Variants in MAN1C1 observed in about 807,000 individuals in gnomAD.
The protein encoded by MAN1C1 is mannosidase alpha class 1C member 1.
A neutral mutation model predicts 71.5 loss-of-function variants in MAN1C1; 49 were observed. The observed-to-expected ratio is 0.69, with a 90% CI of 0.54 to 0.87. The LOEUF (loss-of-function observed/expected upper bound fraction) is 0.87, where lower values mean the gene tolerates loss of function less well. Among genes scored for constraint, MAN1C1 ranks in the 40% least tolerant of loss-of-function variants. The pLI is 0.00. For synonymous variants in MAN1C1, 352 were observed against 343.7 expected, an observed-to-expected ratio of 1.02 and a Z score of -0.27; for missense variants, 743 against 835.0, an observed-to-expected ratio of 0.89 and a Z score of 1.36.
chr1:25,745,882 T>C (rs1250289112), intron 2 of MAN1C1, among the ~76,000 whole-genome samples: 1 of 151,916 alleles, frequency 6.6e-6, no homozygotes, highest in African/African-American at 2.4e-5. Flanking sequence ...TCCCAGCTAC[T>C]TGGGAGGCTG....
intron 6 of MAN1C1, among the ~76,000 whole-genome samples, chr1:25,762,286 C>T (rs1051001557): frequency 2.2e-4 from 33 of 151,864 alleles, no homozygotes; most frequent in Admixed American, 1.8e-3. Context: ...GCCATCACAC[C>T]CAGCTAATTT....
chr1:25,755,232 G>C (rs904596163), intron 5 of MAN1C1, among the ~76,000 whole-genome samples: 1 of 152,228 alleles, frequency 6.6e-6, no homozygotes. Context: ...AGACCGGCCT[G>C]GGAGACTGAG....
At chr1:25,647,576 TG>T (rs2045633208) in intron 1 of MAN1C1, among the ~76,000 whole-genome samples, 1 of 152,074 alleles carries the variant, frequency 6.6e-6, no homozygotes, top group African/African-American at 2.4e-5. Flanking sequence ...GATTCTTACC[TG>T]GGGGTTAGGT....
intron 1 of MAN1C1, among the ~76,000 whole-genome samples, chr1:25,623,084 C>T (rs1210373715): frequency 1.3e-5 from 2 of 152,152 alleles, no homozygotes; most frequent in South Asian, 2.1e-4. Flanking sequence ...CAGTCTCTTC[C>T]GTTTCCCTCT....
At chr1:25,763,768 G>A (rs958428152) in intron 6 of MAN1C1, 106 bp from the exon 7 acceptor site, 1 of 868,424 alleles carries the variant, frequency 1.2e-6, no homozygotes, top group African/African-American at 1.7e-5. Context: ...CTCCTCATAA[G>A]GTTTCCTCCA....
At chr1:25,669,670 C>A in intron 1 of MAN1C1, among the ~76,000 whole-genome samples, 1 of 152,130 alleles carries the variant, frequency 6.6e-6, no homozygotes, top group South Asian at 2.1e-4. Flanking sequence ...GTCCCAGCTA[C>A]TAGGGAGGCT....
intron 2 of MAN1C1, among the ~76,000 whole-genome samples, chr1:25,738,071 T>G (rs138257255): frequency 3.3e-3 from 507 of 152,254 alleles, no homozygotes; most frequent in Middle Eastern, 0.01. Flanking sequence ...GTGATCATTA[T>G]GCTCATCTTT....
intron 1 of MAN1C1, among the ~76,000 whole-genome samples, chr1:25,668,864 T>C (rs1422619255): frequency 1.3e-5 from 2 of 152,140 alleles, no homozygotes; most frequent in Non-Finnish European, 2.9e-5. Flanking sequence ...TGCCCAAGCC[T>C]TCTACTTTTC....
intron 2 of MAN1C1, among the ~76,000 whole-genome samples, chr1:25,733,502 C>G (rs2046938523): frequency 6.6e-6 from 1 of 152,176 alleles, no homozygotes; most frequent in African/African-American, 2.4e-5. Context: ...CTTCAAGCCT[C>G]TGCCCGAACG....
At chr1:25,712,377 G>C (rs922571381) in intron 2 of MAN1C1, among the ~76,000 whole-genome samples, 1 of 152,168 alleles carries the variant, frequency 6.6e-6, no homozygotes, top group African/African-American at 2.4e-5. Context: ...TCTCAGGGAG[G>C]GTCTGGAGAG....
rs548300531 is a variant in MAN1C1, at chr1:25,711,142, G to A, written c.637+24606G>A. Among the ~76,000 whole-genome samples, 22 of 152,270 alleles carry A rather than the reference G, an allele frequency of 1.4e-4. No homozygotes were observed. The highest frequency in any genetic ancestry group is 4.3e-4 in the African/African-American group (18 of 41,546). ...CTGGACTTCTCTCATGGCAGAGATA[G>A]GGTCCAAAAGAACAGACAGAAGCAC... On this transcript the variant is annotated intron_variant, in intron 2 of 11. Transcript: ENST00000374332. This position sits in a 1 kb window ranked among gnomAD's most constrained non-coding sequence, Gnocchi z 4.3.
At chr1:25,706,470 G>A (rs1295329879) in intron 2 of MAN1C1, among the ~76,000 whole-genome samples, 1 of 152,162 alleles carries the variant, frequency 6.6e-6, no homozygotes, top group African/African-American at 2.4e-5. Flanking sequence ...AGTTGTGCTG[G>A]GAGAGTCTGT....
chr1:25,674,642 G>A lies in MAN1C1; in HGVS notation c.541-11798G>A, dbSNP rs563064336. On this transcript the variant is annotated intron_variant, in intron 1 of 11. Coordinates refer to ENST00000374332, the MANE Select transcript of MAN1C1 (RefSeq NM_020379.4). ...AGGAGGGAGGAGTTGTCCAAGGAGC[G>A]GGACTATTGTGTGCAAAGGCCCTGT... Among the ~76,000 whole-genome samples, 41 of 152,216 alleles carry A rather than the reference G, an allele frequency of 2.7e-4. 2 individuals are homozygous for A. In the South Asian group the frequency reaches 8.1e-3, roughly 30 times the overall value.
rs2047608450 is a variant in MAN1C1 at position 25,775,560 on chromosome 1, C to G, written c.1258-2545C>G. On this transcript the variant is annotated intron_variant, in intron 8 of 11. Transcript: ENST00000374332. This position sits in a 1 kb window ranked among gnomAD's most constrained non-coding sequence, Gnocchi z 5.1. ...CGGCACTCAGAGTCTGAGAGAGAGA[C>G]AGATATACAACAGAAACAGATGCCA... Among the ~76,000 whole-genome samples, 1 of 152,156 alleles carries G rather than the reference C, an allele frequency of 6.6e-6. No individual in the cohort carries two copies.
chr1:25,742,777 C>T (rs2047079647), intron 2 of MAN1C1, among the ~76,000 whole-genome samples: 2 of 152,178 alleles, frequency 1.3e-5, no homozygotes, highest in Admixed American at 1.3e-4. Flanking sequence ...TTGAACATCT[C>T]CCTGACACCA....
chr1:25,678,099 G>A (rs941595294), intron 1 of MAN1C1, among the ~76,000 whole-genome samples: 10 of 151,896 alleles, frequency 6.6e-5, no homozygotes, highest in South Asian at 2.1e-4. Context: ...AGACATAACC[G>A]CTGTTAAGAA....
chr1:25,742,924 G>A (rs3767880), intron 2 of MAN1C1, among the ~76,000 whole-genome samples: 24,835 of 152,124 alleles, frequency 0.16, 2,144 homozygotes, highest in East Asian at 0.31. Context: ...TGGCCAGGCT[G>A]CTATTTCAAG....
chr1:25,681,286 A>G (rs900811980), intron 1 of MAN1C1, among the ~76,000 whole-genome samples: 13 of 152,142 alleles, frequency 8.5e-5, no homozygotes, highest in African/African-American at 2.9e-4. Flanking sequence ...GAGCAAAATT[A>G]GCAAAGGAAA....
intron 1 of MAN1C1, among the ~76,000 whole-genome samples, chr1:25,672,786 G>C (rs1433910624): frequency 6.6e-6 from 1 of 152,138 alleles, no homozygotes; most frequent in Non-Finnish European, 1.5e-5. Context: ...CCTAGGCAAG[G>C]GGGGCTGTGT....
Sources: allele counts gnomAD v4.1 joint callset (sites outside exome capture counted in the v4.1 genomes callset), GRCh38; gene constraint gnomAD v4.1.1; non-coding constraint Gnocchi (gnomAD v3.1); transcripts MANE v1.5; gene names NCBI Gene and HGNC (gene_info 2026-07-23, HGNC 2026-07-21).